Variants in CHN2 observed in about 807,000 individuals in gnomAD.
CHN2 encodes the protein beta-chimaerin.
CHN2 carries 35 observed loss-of-function variants against 56.3 expected under a neutral mutation model. The observed-to-expected ratio is 0.62, with a 90% CI of 0.47 to 0.82. The LOEUF is 0.82. Ranked by LOEUF, CHN2 falls within the 40% of genes least tolerant of loss-of-function variation. The probability of loss-of-function intolerance (pLI) is 0.00; values close to 1 mark genes in which losing one functional copy is unlikely to be tolerated. For synonymous variants in CHN2, 210 were observed against 212.8 expected (o/e 0.99, Z 0.12); for missense variants, 491 against 580.5 (o/e 0.85, Z 1.58).
Position 29,194,842 on chromosome 7 carries a change from TG to T in CHN2, c.-97del. On this transcript the variant is annotated 5_prime_UTR_variant, in exon 1 of 13. An upstream open reading frame in the 5' UTR loses its in-frame stop. Coordinates refer to ENST00000222792, the MANE Select transcript of CHN2 (RefSeq NM_004067.4). ...TCTGCGCGTCCCCAGGACTTTGCCA[TG>T]GGCTGGGGGCCGCGGAGGCTGCGAG... 1 of 1,153,110 alleles carries T rather than the reference TG, an allele frequency of 8.7e-7. No individual in the cohort carries two copies. Among genetic ancestry groups the T allele is most frequent in the Non-Finnish European group, 1.1e-6 (1 of 887,608 alleles). The allele number at this position is 1,153,110 out of a possible 1,614,324, so 71.4% of individuals were successfully genotyped here. A position where few individuals can be genotyped will look rare whatever the true frequency, so the allele number is the denominator to read the frequency against.
intron 1 of CHN2, among the ~76,000 whole-genome samples, chr7:29,252,035 G>A (rs1289082070): frequency 1.3e-5 from 2 of 152,110 alleles, no homozygotes; most frequent in Non-Finnish European, 2.9e-5. Context: ...TGGGCTAGGA[G>A]AGAAACTGAG....
chr7:29,430,784 G>A (rs1412025184), intron 6 of CHN2, among the ~76,000 whole-genome samples: 3 of 88,144 alleles, frequency 3.4e-5, no homozygotes, highest in Non-Finnish European at 6.2e-5. Flanking sequence ...TAAGAAAGAT[G>A]ATAGCAAAAA....
chr7:29,157,472 G>A (rs1794560345), intron 2 of CHN2, among the ~76,000 whole-genome samples: 4 of 152,084 alleles, frequency 2.6e-5, no homozygotes, highest in Admixed American at 2.6e-4. Context: ...AGTTAGCTTC[G>A]CACAGTGGCT....
At chr7:29,509,257 A>G (rs766680651) in intron 11 of CHN2, 44 bp from the exon 12 acceptor site, 5 of 1,442,490 alleles carry the variant, frequency 3.5e-6, no homozygotes, top group Non-Finnish European at 4.8e-6. Flanking sequence ...GAAAACTTGA[A>G]TGCCACACTC....
intron 7 of CHN2, among the ~76,000 whole-genome samples, chr7:29,486,762 C>T (rs559632300): frequency 2.0e-5 from 3 of 152,254 alleles, no homozygotes; most frequent in East Asian, 1.9e-4. Flanking sequence ...ACCCCCACCC[C>T]GTGCTATCCT....
intron 1 of CHN2, among the ~76,000 whole-genome samples, chr7:29,324,032 A>G (rs1473772632): frequency 6.6e-6 from 1 of 151,350 alleles, no homozygotes; most frequent in African/African-American, 2.4e-5. Context: ...CAAAAAAAAG[A>G]AAAAAAAAGT....
chr7:29,359,283 T>C (rs1021049834), intron 2 of CHN2, among the ~76,000 whole-genome samples: 1 of 152,120 alleles, frequency 6.6e-6, no homozygotes, highest in Non-Finnish European at 1.5e-5. Context: ...AAGATGAAAA[T>C]GGATGCTGGG....
chr7:29,396,970 C>T (rs1801806433), intron 4 of CHN2: 1 of 152,360 alleles, frequency 6.6e-6, no homozygotes, highest in Non-Finnish European at 1.5e-5. Context: ...TGAGACTGGG[C>T]TCTGCCTCAG....
chr7:29,228,553 C>A (rs1786413679), intron 1 of CHN2, among the ~76,000 whole-genome samples: 1 of 152,180 alleles, frequency 6.6e-6, no homozygotes, highest in Non-Finnish European at 1.5e-5. Context: ...TACATATACA[C>A]ATATTTCTAT....
At chr7:29,215,757 G>T (rs1377808885) in intron 1 of CHN2, among the ~76,000 whole-genome samples, 6 of 151,928 alleles carry the variant, frequency 3.9e-5, no homozygotes, top group African/African-American at 1.5e-4. Context: ...GTGTAATAAG[G>T]CAGATTCAAT....
intron 1 of CHN2, among the ~76,000 whole-genome samples, chr7:29,202,223 G>A (rs971038504): frequency 3.9e-5 from 6 of 152,182 alleles, no homozygotes; most frequent in African/African-American, 7.2e-5. Flanking sequence ...TATACAAGCC[G>A]TGTTATTTAA....
chr7:29,411,313 C>A (rs1803191750), intron 6 of CHN2, among the ~76,000 whole-genome samples: 1 of 152,154 alleles, frequency 6.6e-6, no homozygotes, highest in African/African-American at 2.4e-5. Context: ...TTAGCAGAGC[C>A]TATTATTTTC....
chr7:29,512,301 ACTAATTTT>A (rs1254276497), intron 12 of CHN2, among the ~76,000 whole-genome samples: 1 of 151,264 alleles, frequency 6.6e-6, no homozygotes, highest in Non-Finnish European at 1.5e-5. Flanking sequence ...AATAAGGAGG[ACTAATTTT>A]CTAATTTTAA....
At position 29,393,767 on chromosome 7, in the gene CHN2, C is replaced by A; in HGVS notation, c.176+57C>A. On this transcript the variant is annotated intron_variant, in intron 4 of 12. Coordinates refer to ENST00000222792, the MANE Select transcript of CHN2 (RefSeq NM_004067.4). Reference sequence around the variant, plus strand: ...TTTAATAAGTAGTCATTTCATGTGTCATTTAAATATTACAAATTTTCTAAT... The same window carrying A: ...TTTAATAAGTAGTCATTTCATGTGTAATTTAAATATTACAAATTTTCTAAT... 6.7e-6 allele frequency: 4 copies of A among 599,392 alleles called. No homozygotes were observed. In the South Asian group the frequency reaches 9.5e-5, roughly 14 times the overall value. The allele number at this position is 599,392 out of a possible 1,614,324, so 37.1% of individuals were successfully genotyped here.
At chr7:29,359,969 T>C (rs1424091036) in intron 2 of CHN2, among the ~76,000 whole-genome samples, 1 of 152,164 alleles carries the variant, frequency 6.6e-6, no homozygotes, top group East Asian at 1.9e-4. Context: ...TTTACAGATT[T>C]GAAGTTTAGA....
chr7:29,386,367 T>C (rs143738860), intron 3 of CHN2, among the ~76,000 whole-genome samples: 1 of 152,204 alleles, frequency 6.6e-6, no homozygotes, highest in Non-Finnish European at 1.5e-5. Flanking sequence ...ACTTGATCCA[T>C]CTCTCAGAAA....
At chr7:29,434,730 GAGA>G (rs1449676868) in intron 6 of CHN2, among the ~76,000 whole-genome samples, 1 of 152,112 alleles carries the variant, frequency 6.6e-6, no homozygotes. Context: ...ATATCTTTTG[GAGA>G]AGGTCACCAC....
At chr7:29,274,622 G>A (rs1214474964) in intron 1 of CHN2, among the ~76,000 whole-genome samples, 3 of 152,148 alleles carry the variant, frequency 2.0e-5, no homozygotes, top group Admixed American at 1.3e-4. Flanking sequence ...TTCACTCAGC[G>A]CCAGTCTATG....
intron 6 of CHN2, among the ~76,000 whole-genome samples, chr7:29,417,888 C>T (rs1803934518): frequency 6.6e-6 from 1 of 152,176 alleles, no homozygotes; most frequent in Non-Finnish European, 1.5e-5. Flanking sequence ...TGAGCATGTG[C>T]TTCAGAGCTT....
Sources: allele counts gnomAD v4.1 joint callset (sites outside exome capture counted in the v4.1 genomes callset), GRCh38; gene constraint gnomAD v4.1.1; transcripts MANE v1.5; gene names NCBI Gene and HGNC (gene_info 2026-07-23, HGNC 2026-07-21).